The following PDZRN4 variants were observed in gnomAD, a reference collection of about 807,000 sequenced individuals.
The protein encoded by PDZRN4 is PDZ domain-containing RING finger protein 4.
PDZRN4 carries 70 observed loss-of-function variants against 99.0 expected under a neutral mutation model. The ratio of observed to expected loss-of-function variants is 0.71; its 90% CI spans 0.58 to 0.86. PDZRN4 has a LOEUF of 0.86. Among genes scored for constraint, PDZRN4 ranks in the 40% least tolerant of loss-of-function variants. The pLI, the probability that PDZRN4 is intolerant of heterozygous loss-of-function variation, is 0.00. For synonymous variants in PDZRN4, 551 were observed against 501.6 expected, an observed-to-expected ratio of 1.10 and a Z score of -1.32; for missense variants, 1,474 against 1,331.2, an observed-to-expected ratio of 1.11 and a Z score of -1.67.
At chr12:41,324,995 G>A (rs888472432) in intron 3 of PDZRN4, among the ~76,000 whole-genome samples, 1 of 152,032 alleles carries the variant, frequency 6.6e-6, no homozygotes. Context: ...CTATTAGATA[G>A]CATGGGTCTA....
At position 41,418,375 on chromosome 12, in the gene PDZRN4, T is replaced by C. The variant is rs74078816; in HGVS notation, c.844-88081T>C. 4.0e-3 allele frequency among the ~76,000 whole-genome samples: 602 copies of C among 152,316 alleles called. 2 individuals carry two copies. The highest frequency in any genetic ancestry group is 0.014 in the African/African-American group (582 of 41,572). On this transcript the variant is annotated intron_variant, in intron 3 of 9. Transcript: ENST00000402685. ...TAACTGGAAGAAATGTATTGTGATATACATTTTCAAACACTAACAAAGGCA... is the reference window on the plus strand; with the variant it reads ...TAACTGGAAGAAATGTATTGTGATACACATTTTCAAACACTAACAAAGGCA...
intron 3 of PDZRN4, among the ~76,000 whole-genome samples, chr12:41,479,104 G>A (rs866597103): frequency 6.6e-6 from 1 of 152,238 alleles, no homozygotes; most frequent in Non-Finnish European, 1.5e-5. Flanking sequence ...CAATTGACAG[G>A]AAGAGTCCAG....
At chr12:41,267,266 C>G (rs1428231948) in intron 3 of PDZRN4, among the ~76,000 whole-genome samples, 1 of 152,234 alleles carries the variant, frequency 6.6e-6, no homozygotes, top group East Asian at 1.9e-4. Context: ...TGTATTACCC[C>G]TCCTGTGCCT....
At chr12:41,228,492 C>T (rs1046431826) in intron 3 of PDZRN4, among the ~76,000 whole-genome samples, 6 of 151,594 alleles carry the variant, frequency 4.0e-5, no homozygotes, top group African/African-American at 1.5e-4. Context: ...AAAAAAAAGA[C>T]TGACTCTTGG....
At chr12:41,479,872 T>A (rs1937647074) in intron 3 of PDZRN4, among the ~76,000 whole-genome samples, 1 of 152,222 alleles carries the variant, frequency 6.6e-6, no homozygotes, top group African/African-American at 2.4e-5. Flanking sequence ...TTGATCCACC[T>A]GACTGTTTCA....
intron 3 of PDZRN4, among the ~76,000 whole-genome samples, chr12:41,305,595 A>G (rs1447258733): frequency 2.0e-5 from 3 of 152,000 alleles, no homozygotes; most frequent in Non-Finnish European, 4.4e-5. Flanking sequence ...ATCTTCTTAC[A>G]AGGGCACTAA....
intron 3 of PDZRN4, among the ~76,000 whole-genome samples, chr12:41,317,349 T>C (rs1490937419): frequency 2.0e-5 from 3 of 151,984 alleles, no homozygotes; most frequent in Non-Finnish European, 4.4e-5. Context: ...TAGAGTTGTG[T>C]CTTCCTAAGG....
intron 3 of PDZRN4, among the ~76,000 whole-genome samples, chr12:41,221,186 C>T (rs1950953180): frequency 6.6e-6 from 1 of 152,200 alleles, no homozygotes; most frequent in South Asian, 2.1e-4. Flanking sequence ...GGACTGGGAA[C>T]ACCCACTTCA....
At chr12:41,471,721 C>A (rs557716599) in intron 3 of PDZRN4, among the ~76,000 whole-genome samples, 1 of 150,642 alleles carries the variant, frequency 6.6e-6, no homozygotes, top group South Asian at 2.1e-4. Context: ...TAATAATAAT[C>A]ATTATAATAA....
chr12:41,503,442 A>G (rs150588346), intron 3 of PDZRN4, among the ~76,000 whole-genome samples: 5 of 152,292 alleles, frequency 3.3e-5, no homozygotes, highest in Non-Finnish European at 7.4e-5. Context: ...TGATCTTGAC[A>G]TATGAACGCT....
intron 3 of PDZRN4, among the ~76,000 whole-genome samples, chr12:41,357,439 G>T (rs1951935686): frequency 6.6e-6 from 1 of 151,854 alleles, no homozygotes; most frequent in South Asian, 2.1e-4. Flanking sequence ...CACCAGTATG[G>T]TATTATTTTC....
Position 41,188,699 on chromosome 12 carries a change from G to A in PDZRN4, c.244G>A (p.Asp82Asn). ...CATCCAGAAGCTGCGAGTCCAGTGC[G>A]ACTACCGCGCCCGCGGCTGCGGCCA... Reference protein sequence around the residue: ...SLIQKLRVQCDYRARGCGHSV... With the variant: ...SLIQKLRVQCNYRARGCGHSV... Residue 82 changes from aspartate (D) to asparagine (N), a missense_variant, in exon 1 of 10, where the codon GAC (aspartate) becomes AAC (asparagine). Asp to Asn is a conservative substitution (Grantham distance 23, BLOSUM62 1). Coordinates refer to ENST00000402685, the MANE Select transcript of PDZRN4 (RefSeq NM_001164595.2). 6.4e-7 allele frequency: 1 copy of A among 1,556,052 alleles called. No homozygotes were observed. The highest frequency in any genetic ancestry group is 8.6e-7 in the Non-Finnish European group (1 of 1,161,202).
chr12:41,199,363 G>A (rs1950799484), intron 3 of PDZRN4, among the ~76,000 whole-genome samples: 1 of 152,112 alleles, frequency 6.6e-6, no homozygotes, highest in Non-Finnish European at 1.5e-5. Flanking sequence ...AACAATAGAT[G>A]TTGGTGAAAA....
chr12:41,573,361 C>T lies in PDZRN4; in HGVS notation c.2582C>T (p.Ser861Phe), dbSNP rs772824285. The T allele has an allele frequency of 1.9e-5, 31 of 1,613,208 alleles. 1 individual carries two copies. In the Admixed American group the frequency reaches 5.0e-4, roughly 26 times the overall value. ...QSYMQLIQQK[S>F]AVEYAQSQLS... ...TACATGCAGTTAATTCAACAGAAAT[C>T]TGCAGTCGAGTATGCTCAGAGTCAG... The change falls in exon 10 of 10, where the codon TCT becomes TTT. Residue 861 changes from serine to phenylalanine, a missense_variant. Coordinates refer to ENST00000402685, the MANE Select transcript of PDZRN4 (RefSeq NM_001164595.2).
At chr12:41,359,574 T>C (rs1842087604) in intron 3 of PDZRN4, among the ~76,000 whole-genome samples, 1 of 151,932 alleles carries the variant, frequency 6.6e-6, no homozygotes, top group African/African-American at 2.4e-5. Flanking sequence ...TCTTTCCCAT[T>C]ATGTTCTTGT....
At chr12:41,296,539 C>A (rs543283004) in intron 3 of PDZRN4, among the ~76,000 whole-genome samples, 9 of 152,270 alleles carry the variant, frequency 5.9e-5, no homozygotes, top group African/African-American at 2.2e-4. Flanking sequence ...TCTACCATGA[C>A]AATATTCCTG....
intron 3 of PDZRN4, among the ~76,000 whole-genome samples, chr12:41,270,764 ATT>A (rs1180297957): frequency 7.2e-5 from 11 of 152,288 alleles, no homozygotes; most frequent in Middle Eastern, 3.4e-3. Context: ...AAATTTATTC[ATT>A]CTTTTATTAA....
intron 3 of PDZRN4, among the ~76,000 whole-genome samples, chr12:41,271,307 C>A (rs895318765): frequency 3.9e-5 from 6 of 152,068 alleles, no homozygotes; most frequent in African/African-American, 1.4e-4. Context: ...CACTTAGCTA[C>A]TTTCCCTTAG....
At chr12:41,332,299 G>A (rs1951745435) in intron 3 of PDZRN4, among the ~76,000 whole-genome samples, 1 of 152,096 alleles carries the variant, frequency 6.6e-6, no homozygotes. Context: ...ACGTTTGCCT[G>A]TAAGTTGGAG....
Sources: gnomAD v4.1 joint callset for allele counts (sites outside exome capture counted in the v4.1 genomes callset) on GRCh38, gnomAD v4.1.1 for gene constraint, MANE v1.5 for transcripts, NCBI Gene and HGNC (gene_info 2026-07-23, HGNC 2026-07-21) for gene names.